The following PLA2G4F variants were observed in gnomAD, a reference collection of about 807,000 sequenced individuals.
PLA2G4F encodes the protein cytosolic phospholipase A2 zeta.
A neutral mutation model predicts 103.1 loss-of-function variants in PLA2G4F; 105 were observed. The ratio of observed to expected loss-of-function variants is 1.02; its 90% CI spans 0.87 to 1.20. The LOEUF (loss-of-function observed/expected upper bound fraction) is 1.20. Ranked by LOEUF, PLA2G4F falls within the 50% of genes most tolerant of loss-of-function variation. The pLI is 0.00. For synonymous variants in PLA2G4F, 468 were observed against 441.1 expected, an observed-to-expected ratio of 1.06 and a Z score of -0.76; for missense variants, 1,155 against 1,075.9, an observed-to-expected ratio of 1.07 and a Z score of -1.03.
At chr15:42,148,727 G>T (rs1420166144) in intron 11 of PLA2G4F, 3 of 985,304 alleles carry the variant, frequency 3.0e-6, no homozygotes, top group Non-Finnish European at 3.6e-6. Context: ...GGTGCCTGAG[G>T]GGTCAGAGTC....
intron 11 of PLA2G4F, chr15:42,149,364 C>G (rs1365542467): frequency 1.6e-6 from 1 of 616,358 alleles, no homozygotes; most frequent in Non-Finnish European, 2.0e-6. Context: ...GAGGACATGG[C>G]GAGACAGCTC....
chr15:42,151,698 C>T (rs906524873), intron 7 of PLA2G4F: 2 of 958,360 alleles, frequency 2.1e-6, no homozygotes, highest in South Asian at 4.8e-5. Context: ...ATATTTTATT[C>T]ATGCCAAGGC....
rs369203056 is a variant in PLA2G4F at position 42,153,680 on chromosome 15, G to A, written c.451-20C>T. The stretch of plus-strand genomic sequence containing the variant: ...TGAATCCTACATGGAGGGGGAGGGA[G>A]CACCAATTTTTTCAAGGCTCCAAAA... On this transcript the variant is annotated intron_variant, in intron 4 of 19. Transcript: ENST00000397272. The A allele has an allele frequency of 6.5e-5, 105 of 1,613,928 alleles. 1 individual carries two copies. The East Asian group carries it at 1.9e-3, about 29-fold the overall frequency.
Position 42,139,099 on chromosome 15 carries a change from G to A in PLA2G4F, c.*2885C>T, listed in dbSNP as rs554892925. The A allele has an allele frequency of 1.3e-5, 2 of 152,384 alleles. No individual in the cohort carries two copies. Among genetic ancestry groups the A allele is most frequent in the South Asian group, 4.1e-4 (2 of 4,834 alleles). 9.4% of individuals were successfully genotyped at this position (152,384 alleles called of 1,614,324 possible). A position where few individuals can be genotyped will look rare whatever the true frequency, so the allele number is the denominator to read the frequency against. ...GCCAAAGTGCAGCCCTGAGAAGCTG[G>A]AGCTGCTTGCTTTTATTCAGTGCAG... is the stretch of plus-strand genomic sequence containing the variant. On this transcript the variant is annotated 3_prime_UTR_variant, in exon 20 of 20. Coordinates refer to ENST00000397272, the MANE Select transcript of PLA2G4F (RefSeq NM_213600.4).
chr15:42,149,596 G>A, intron 11 of PLA2G4F, 117 bp downstream of exon 11: 1 of 1,486,296 alleles, frequency 6.7e-7, no homozygotes, highest in Admixed American at 2.3e-5. Flanking sequence ...GGTGCCCACA[G>A]CTCAGGTGAA....
intron 9 of PLA2G4F, 44 bp from the exon 10 acceptor site, chr15:42,150,185 T>G (rs376603960): frequency 7.4e-6 from 12 of 1,612,944 alleles, no homozygotes; most frequent in South Asian, 2.2e-5. Flanking sequence ...CTGGGCAGGA[T>G]TCTCCCAGGG....
At chr15:42,145,366 T>A (rs2048870630) in intron 16 of PLA2G4F, among the ~76,000 whole-genome samples, 1 of 152,126 alleles carries the variant, frequency 6.6e-6, no homozygotes, top group African/African-American at 2.4e-5. Flanking sequence ...TGGACCTAAT[T>A]GGATCCCAGA....
Position 42,145,557 on chromosome 15 carries a change from C to T in PLA2G4F, c.1780+18G>A, listed in dbSNP as rs375184385. ...GCTGGAATGTGGTGTGGGAGGGGCT[C>T]GGGGTCGCTACCCTCACCTGTGATA... On this transcript the variant is annotated intron_variant, in intron 16 of 19. Transcript: ENST00000397272. 2.1e-5 allele frequency: 34 copies of T among 1,608,584 alleles called. No homozygotes were observed. In the East Asian group the frequency reaches 3.1e-4, roughly 15 times the overall value.
intron 5 of PLA2G4F, 85 bp downstream of exon 5, chr15:42,153,535 G>T: frequency 6.4e-7 from 1 of 1,569,156 alleles, no homozygotes. Flanking sequence ...TCCAAGGCCA[G>T]TGCAGGACAT....
At chr15:42,151,232 C>G (rs1252346990) in intron 7 of PLA2G4F, 2 of 985,238 alleles carry the variant, frequency 2.0e-6, no homozygotes, top group South Asian at 4.7e-5. Context: ...CCTTTGTTTC[C>G]AAGTGTAGAA....
At chr15:42,151,208 G>A (rs1284119636) in intron 7 of PLA2G4F, 1 of 985,348 alleles carries the variant, frequency 1.0e-6, no homozygotes, top group Non-Finnish European at 1.2e-6. Flanking sequence ...CCAGTAGGCT[G>A]CAAGTTGTTC....
rs2048981647 is a variant in PLA2G4F, at chr15:42,153,640, C to T, written c.471G>A (p.Val157=). 4.9e-5 allele frequency: 79 copies of T among 1,614,218 alleles called. No individual in the cohort carries two copies. The highest frequency in any genetic ancestry group is 6.2e-5 in the Non-Finnish European group (73 of 1,180,036). Residue 157 remains valine, a synonymous_variant, in exon 5 of 20, where the codon GTG becomes GTA. Coordinates refer to ENST00000397272, the MANE Select transcript of PLA2G4F (RefSeq NM_213600.4). Reference sequence around the variant, plus strand: ...CTCACCTCTTCTCCAGAACAAATTCCACCTGCAGCTCTTGTGAATCCTACA... The same window carrying T: ...CTCACCTCTTCTCCAGAACAAATTCTACCTGCAGCTCTTGTGAATCCTACA... ...LNHQDSQELQ[V]EFVLEKSQVP...
chr15:42,150,671 G>C lies in PLA2G4F; in HGVS notation c.708C>G (p.His236Gln). 6.2e-7 allele frequency: 1 copy of C among 1,613,870 alleles called. No homozygotes were observed. The highest frequency in any genetic ancestry group is 1.7e-5 in the Admixed American group (1 of 59,996). Residue 236 changes from histidine to glutamine, a missense_variant, in exon 8 of 20, where the codon CAC (histidine) becomes CAG (glutamine). His to Gln is a conservative substitution (Grantham distance 24, BLOSUM62 0). Coordinates refer to ENST00000397272, the MANE Select transcript of PLA2G4F (RefSeq NM_213600.4). Reference sequence around the variant, plus strand: ...GCCTGGAGCTCAGCACTGGGTTCACGTGGAAGGTAAAGGTGGGTGGGAGGC... The same window carrying C: ...GCCTGGAGCTCAGCACTGGGTTCACCTGGAAGGTAAAGGTGGGTGGGAGGC... Reference protein sequence around the residue: ...EPGLPPTFTFHVNPVLSSRLH... With the variant: ...EPGLPPTFTFQVNPVLSSRLH...
intron 7 of PLA2G4F, 147 bp downstream of exon 7, chr15:42,152,541 C>T (rs1163357468): frequency 9.6e-6 from 8 of 834,870 alleles, no homozygotes; most frequent in Non-Finnish European, 1.6e-5. Flanking sequence ...TTGTTCACTG[C>T]CTCCAGTGAA....
At chr15:42,146,031 T>C in intron 14 of PLA2G4F, 96 bp downstream of exon 14, 1 of 1,575,722 alleles carries the variant, frequency 6.3e-7, no homozygotes, top group Middle Eastern at 1.7e-4. Context: ...GGTGCCTGTG[T>C]GCAACCACCT....
chr15:42,145,720 C>T, intron 15 of PLA2G4F, 38 bp from the exon 16 acceptor site: 1 of 1,613,600 alleles, frequency 6.2e-7, no homozygotes, highest in Non-Finnish European at 8.5e-7. Flanking sequence ...ACGTCAGGGC[C>T]TGGCCCCGGC....
rs375936225 is a variant in PLA2G4F at position 42,150,474 on chromosome 15, C to T, written c.784G>A (p.Ala262Thr). 125 of 1,612,478 alleles carry T rather than the reference C, an allele frequency of 7.8e-5. No homozygotes were observed. The highest frequency in any genetic ancestry group is 9.5e-5 in the Non-Finnish European group (112 of 1,179,562). The change falls in exon 9 of 20, where the codon GCA (alanine) becomes ACA (threonine). Residue 262 changes from alanine (A) to threonine (T), a missense_variant. This residue lies in a region of PLA2G4F where 370 missense variants were observed against 364.9 expected (regional missense o/e 1.01). Transcript: ENST00000397272. ...TTGCTGGTCTGAGCCTCCAACTCTG[C>T]GCTGGGGCCACTCTGTGGAAAAGAA... The part of the protein sequence containing the change: ...LLAAVQSGPS[A>T]ELEAQTSKLG...
At position 42,155,409 on chromosome 15, in the gene PLA2G4F, C is replaced by T. The variant is rs1211965213; in HGVS notation, c.184+108G>A. On this transcript the variant is annotated intron_variant, in intron 2 of 19. Coordinates refer to ENST00000397272, the MANE Select transcript of PLA2G4F (RefSeq NM_213600.4). ...ACACATGCACTCTCACTTGTACTCA[C>T]CCATGTATACTCTTACACACACACA... 2.6e-6 allele frequency: 3 copies of T among 1,141,440 alleles called. No individual in the cohort carries two copies. The East Asian group carries it at 7.3e-5, about 28-fold the overall frequency. 70.7% of individuals were successfully genotyped at this position (1,141,440 alleles called of 1,614,324 possible).
intron 12 of PLA2G4F, 28 bp downstream of exon 12, chr15:42,147,598 C>A: frequency 1.2e-6 from 2 of 1,611,844 alleles, no homozygotes; most frequent in Non-Finnish European, 1.7e-6. Flanking sequence ...GTCTCCTTTA[C>A]CCTGTGCCCT....
Sources: allele counts gnomAD v4.1 joint callset (sites outside exome capture counted in the v4.1 genomes callset), GRCh38; gene constraint gnomAD v4.1.1; regional missense constraint gnomAD v4.1.1; transcripts MANE v1.5; gene names NCBI Gene and HGNC (gene_info 2026-07-23, HGNC 2026-07-21).